The following KIF13B variants were observed in gnomAD, a reference collection of about 807,000 sequenced individuals.
The protein encoded by KIF13B is kinesin family member 13B.
In KIF13B, 127 loss-of-function variants were observed where a neutral mutation model predicts 222.0. The observed-to-expected ratio is 0.57, with a 90% CI of 0.50 to 0.66. The LOEUF is 0.66. Ranked by LOEUF, KIF13B falls within the 30% of genes least tolerant of loss-of-function variation. The pLI is 0.00. For missense variants in KIF13B, 2,173 were observed against 2,379.0 expected (o/e 0.91, Z 1.80); for synonymous variants, 976 against 919.0 (o/e 1.06, Z -1.12).
chr8:29,136,369 G>A (rs934651523), intron 21 of KIF13B, among the ~76,000 whole-genome samples: 28 of 152,018 alleles, frequency 1.8e-4, no homozygotes, highest in Admixed American at 1.6e-3. Flanking sequence ...ACCTGAGGTC[G>A]GCAGTTCAAG....
chr8:29,206,845 TGCGGAA>T (rs1300252084), intron 2 of KIF13B, among the ~76,000 whole-genome samples: 4 of 151,618 alleles, frequency 2.6e-5, no homozygotes, highest in Admixed American at 6.6e-5. Flanking sequence ...GGATGGGGTT[TGCGGAA>T]GTGGAAGTGG....
rs556034326 is a variant in KIF13B, at chr8:29,203,276, CCAGGTACCAATCTTT to C, written c.150-7092_150-7078del. 9.9e-5 allele frequency among the ~76,000 whole-genome samples: 15 copies of C among 152,254 alleles called. No homozygotes were observed. The South Asian group carries it at 3.1e-3, about 32-fold the overall frequency. ...TTCCTTTCACCCATGTGGGACTGAC[CCAGGTACCAATCTTT>C]CAGTCTCAGGGCTTTCATACATGAC... On this transcript the variant is annotated intron_variant, in intron 2 of 39. Transcript: ENST00000524189.
At chr8:29,257,119 T>G (rs1374475745) in intron 1 of KIF13B, among the ~76,000 whole-genome samples, 1 of 152,192 alleles carries the variant, frequency 6.6e-6, no homozygotes, top group African/African-American at 2.4e-5. Context: ...TTGAACTCCA[T>G]TGCTCGCAAA....
intron 2 of KIF13B, among the ~76,000 whole-genome samples, chr8:29,239,522 G>A (rs376808627): frequency 1.3e-5 from 2 of 152,128 alleles, no homozygotes; most frequent in Non-Finnish European, 2.9e-5. Flanking sequence ...GAGACACTGG[G>A]GACTCCAAAA....
At chr8:29,114,286 C>T (rs1021314841) in intron 31 of KIF13B, among the ~76,000 whole-genome samples, 1 of 152,222 alleles carries the variant, frequency 6.6e-6, no homozygotes, top group Admixed American at 6.5e-5. Context: ...AAGAAAAGAG[C>T]AAAGCCAAGC....
At chr8:29,199,630 T>C (rs1283221758) in intron 2 of KIF13B, among the ~76,000 whole-genome samples, 1 of 149,424 alleles carries the variant, frequency 6.7e-6, no homozygotes, top group Non-Finnish European at 1.5e-5. Flanking sequence ...TTCCCAAGCA[T>C]TTTGGATAAG....
Position 29,185,536 on chromosome 8 carries a change from T to C in KIF13B, c.497+756A>G, listed in dbSNP as rs78366889. Among the ~76,000 whole-genome samples the C allele has an allele frequency of 8.0e-3, 1,216 of 152,294 alleles. 8 individuals are homozygous for C. The highest frequency in any genetic ancestry group is 0.027 in the African/African-American group (1,140 of 41,552). ...ATCTCCCTGTTAGAATCCTAAAGAT[T>C]ATCATCTTGGTCAAGGAAAACTGAC... On this transcript the variant is annotated intron_variant, in intron 6 of 39. Coordinates refer to ENST00000524189, the MANE Select transcript of KIF13B (RefSeq NM_015254.4).
chr8:29,215,402 T>C (rs1814430867), intron 2 of KIF13B, among the ~76,000 whole-genome samples: 1 of 152,200 alleles, frequency 6.6e-6, no homozygotes, highest in African/African-American at 2.4e-5. Flanking sequence ...TAGAACAGTA[T>C]GCCGACCAGG....
intron 10 of KIF13B, among the ~76,000 whole-genome samples, chr8:29,173,191 A>T (rs1316172723): frequency 2.0e-5 from 3 of 152,138 alleles, no homozygotes; most frequent in Non-Finnish European, 4.4e-5. Context: ...CTGGGATTAT[A>T]GGCATTAGCC....
chr8:29,151,022 G>A (rs1292113649), intron 14 of KIF13B, among the ~76,000 whole-genome samples: 1 of 152,316 alleles, frequency 6.6e-6, no homozygotes, highest in East Asian at 1.9e-4. Flanking sequence ...TGTACCAACA[G>A]TTGGCCAAGC....
In KIF13B at chr8:29,122,666, T is replaced by C. The variant is rs886998369; in HGVS notation, c.3480-20A>G. The C allele has an allele frequency of 1.9e-6, 3 of 1,596,060 alleles. No individual in the cohort carries two copies. The highest frequency in any genetic ancestry group is 1.7e-6 in the Non-Finnish European group (2 of 1,169,578). Reference sequence around the variant, plus strand: ...GGGGTCCTAAAACGGGAAGAACAAATGGCATCTGCCTCAGGTTACTTTCTC... The same window carrying C: ...GGGGTCCTAAAACGGGAAGAACAAACGGCATCTGCCTCAGGTTACTTTCTC... On this transcript the variant is annotated intron_variant, in intron 28 of 39. Transcript: ENST00000524189.
intron 10 of KIF13B, among the ~76,000 whole-genome samples, chr8:29,171,438 C>T (rs551287617): frequency 7.9e-5 from 12 of 151,848 alleles, no homozygotes; most frequent in African/African-American, 2.4e-4. Context: ...AAAAAAAAGA[C>T]GCTGTGAAAC....
rs1390524430 is a variant in KIF13B, at chr8:29,166,797, T to C, written c.1158+576A>G. 3.9e-5 allele frequency among the ~76,000 whole-genome samples: 6 copies of C among 152,012 alleles called. 1 individual carries two copies. In the South Asian group the frequency reaches 6.2e-4, roughly 16 times the overall value. On this transcript the variant is annotated intron_variant, in intron 11 of 39. Transcript: ENST00000524189. Reference sequence around the variant, plus strand: ...ACTTGGGATTGCAGGTCAGAGTTGGTAGGTTTTCAAATTTATTAATGCAAC... The same window carrying C: ...ACTTGGGATTGCAGGTCAGAGTTGGCAGGTTTTCAAATTTATTAATGCAAC...
At position 29,188,808 on chromosome 8, in the gene KIF13B, G is replaced by A. The variant is rs1385729208; in HGVS notation, c.224-201C>T. On this transcript the variant is annotated intron_variant, in intron 4 of 39. Coordinates refer to ENST00000524189, the MANE Select transcript of KIF13B (RefSeq NM_015254.4). ...GCACATGAGGGAAAATCAGCTCCCT[G>A]TAATACATGCTTGAATAAATAAACA... is the stretch of plus-strand genomic sequence containing the variant. Among the ~76,000 whole-genome samples the A allele has an allele frequency of 3.3e-5, 5 of 152,186 alleles. No individual in the cohort carries two copies. In the South Asian group the frequency reaches 1.0e-3, roughly 32 times the overall value.
chr8:29,125,622 A>G (rs970027042), intron 26 of KIF13B, among the ~76,000 whole-genome samples: 2 of 152,212 alleles, frequency 1.3e-5, no homozygotes, highest in African/African-American at 4.8e-5. Flanking sequence ...CAAAACCAGG[A>G]AAGTGACTAC....
intron 37 of KIF13B, among the ~76,000 whole-genome samples, chr8:29,082,348 A>G (rs2133507261): frequency 6.6e-6 from 1 of 152,394 alleles, no homozygotes; most frequent in South Asian, 2.1e-4. Context: ...TATATAAATA[A>G]AATCTTAAAT....
At chr8:29,259,652 C>G (rs1816610039) in intron 1 of KIF13B, among the ~76,000 whole-genome samples, 1 of 152,192 alleles carries the variant, frequency 6.6e-6, no homozygotes, top group Non-Finnish European at 1.5e-5. Flanking sequence ...GAGAATGTTG[C>G]TGATCTAACT....
At chr8:29,085,533 T>C (rs561118119) in intron 37 of KIF13B, among the ~76,000 whole-genome samples, 11 of 146,800 alleles carry the variant, frequency 7.5e-5, no homozygotes, top group Non-Finnish European at 1.5e-4. Context: ...CACCCACATA[T>C]TTTTTTTTTT....
chr8:29,132,133 C>G (rs1392838891), intron 23 of KIF13B, among the ~76,000 whole-genome samples, 175 bp downstream of exon 23: 1 of 152,072 alleles, frequency 6.6e-6, no homozygotes, highest in African/African-American at 2.4e-5. Context: ...ATAATCCCAG[C>G]TATTCAGGAG....
Sources: allele counts gnomAD v4.1 joint callset (sites outside exome capture counted in the v4.1 genomes callset), GRCh38; gene constraint gnomAD v4.1.1; transcripts MANE v1.5; gene names NCBI Gene and HGNC (gene_info 2026-07-23, HGNC 2026-07-21).